Variants in PHTF1 observed in about 807,000 individuals in gnomAD.
The protein encoded by PHTF1 is protein PHTF1.
In PHTF1, 88 loss-of-function variants were observed where a neutral mutation model predicts 102.4. The observed-to-expected ratio is 0.86, with a 90% CI of 0.72 to 1.03. PHTF1 has a LOEUF of 1.03. PHTF1 is among the 50% of genes least tolerant of loss of function. PHTF1 has a pLI of 0.00. For missense variants in PHTF1, 814 were observed against 909.5 expected (o/e 0.89, Z 1.35); for synonymous variants, 289 against 305.2 (o/e 0.95, Z 0.55).
At chr1:113,699,603 C>A in intron 17 of PHTF1, 101 bp downstream of exon 17, 1 of 695,530 alleles carries the variant, frequency 1.4e-6, no homozygotes, top group Non-Finnish European at 2.6e-6. Flanking sequence ...CTTCCAGGAC[C>A]CCTCCCAACC....
rs778165865 is a variant in PHTF1 at position 113,706,631 on chromosome 1, A to G, written c.1361T>C (p.Met454Thr). Residue 454 changes from methionine (M) to threonine (T), a missense_variant, in exon 12 of 19, where the codon ATG (methionine) becomes ACG (threonine). Transcript: ENST00000369604. ...GATGCCACTTATTTCCAACACAGAC[A>G]TATCCATCTTTTTGCACTCATTCCC... The part of the protein sequence containing the change: ...WEGNECKKMD[M>T]SVLEISGIIM... 3.7e-6 allele frequency: 6 copies of G among 1,612,068 alleles called. No homozygotes were observed. Among genetic ancestry groups the G allele is most frequent in the Non-Finnish European group, 1.7e-6 (2 of 1,179,316 alleles).
At position 113,698,351 on chromosome 1, in the gene PHTF1, T is replaced by C. The variant is rs368753028; in HGVS notation, c.2179A>G (p.Met727Val). ...GTGATATTGTAGATTAAGGGATTCA[T>C]TGTCAGTCCATAGAGTCTAAATGGT... ...DTPFRLYGLT[M>V]NPLIYNITRV... The change falls in exon 18 of 19, where the codon ATG (methionine) becomes GTG (valine). Residue 727 changes from methionine to valine, a missense_variant. Transcript: ENST00000369604. 1.8e-5 allele frequency: 29 copies of C among 1,610,166 alleles called. No homozygotes were observed. In the African/African-American group the frequency reaches 3.3e-4, roughly 19 times the overall value.
intron 7 of PHTF1, among the ~76,000 whole-genome samples, chr1:113,717,342 C>G (rs1652218699): frequency 6.6e-6 from 1 of 152,000 alleles, no homozygotes; most frequent in South Asian, 2.1e-4. Context: ...AAACAACTAA[C>G]AAAGTGGCAG....
At chr1:113,717,909 G>A (rs1051583903) in intron 7 of PHTF1, among the ~76,000 whole-genome samples, 4 of 152,106 alleles carry the variant, frequency 2.6e-5, no homozygotes, top group Non-Finnish European at 4.4e-5. Flanking sequence ...TGGGGACACA[G>A]CCAAACCATA....
chr1:113,738,896 G>C (rs954628753), intron 3 of PHTF1, 97 bp from the exon 4 acceptor site: 9 of 802,016 alleles, frequency 1.1e-5, no homozygotes, highest in African/African-American at 1.8e-5. Context: ...TTGTAGCCCA[G>C]GCTGGAGTGC....
chr1:113,739,679 T>C (rs187461974), intron 3 of PHTF1, among the ~76,000 whole-genome samples: 36 of 152,360 alleles, frequency 2.4e-4, no homozygotes, highest in African/African-American at 7.9e-4. Context: ...ACCTTATTCC[T>C]ATCTAGCTGT....
At position 113,706,553 on chromosome 1, in the gene PHTF1, C is replaced by T. The variant is rs202011088; in HGVS notation, c.1398+41G>A. On this transcript the variant is annotated intron_variant, in intron 12 of 18. Transcript: ENST00000369604. ...CTTATAAAATAGCTCCTGATCACTTCGTATATTTTTTGAAAAATCTGAAAA... is the reference window on the plus strand; with the variant it reads ...CTTATAAAATAGCTCCTGATCACTTTGTATATTTTTTGAAAAATCTGAAAA... 2.6e-4 allele frequency: 391 copies of T among 1,529,052 alleles called. No homozygotes were observed. The African/African-American group carries it at 4.5e-3, about 18-fold the overall frequency. 94.7% of individuals were successfully genotyped at this position (1,529,052 alleles called of 1,614,324 possible).
intron 18 of PHTF1, 106 bp from the exon 19 acceptor site, chr1:113,697,831 A>AGG: frequency 1.3e-6 from 1 of 767,594 alleles, no homozygotes; most frequent in East Asian, 2.6e-5. Flanking sequence ...AAAAGAAGAA[A>AGG]ATGTATCAAG....
intron 5 of PHTF1, among the ~76,000 whole-genome samples, chr1:113,729,098 A>G (rs1400342525): frequency 6.6e-6 from 1 of 152,240 alleles, no homozygotes; most frequent in Non-Finnish European, 1.5e-5. Flanking sequence ...ATAAAAAAGA[A>G]TAAGATTCTG....
chr1:113,737,435 G>T (rs913837079), intron 5 of PHTF1, among the ~76,000 whole-genome samples: 2 of 152,208 alleles, frequency 1.3e-5, no homozygotes, highest in Non-Finnish European at 2.9e-5. Context: ...TGAAGATATA[G>T]ATTTGGGAAT....
chr1:113,759,151 G>C lies in PHTF1; in HGVS notation c.-159C>G. 4 of 922,242 alleles carry C rather than the reference G, an allele frequency of 4.3e-6. No homozygotes were observed. The highest frequency in any genetic ancestry group is 5.2e-6 in the Non-Finnish European group (4 of 771,698). 57.1% of individuals were successfully genotyped at this position (922,242 alleles called of 1,614,324 possible). On this transcript the variant is annotated 5_prime_UTR_variant, in exon 1 of 19. Coordinates refer to ENST00000369604, the MANE Select transcript of PHTF1 (RefSeq NM_001323043.2). ...TCTTCCCCTCCAGGCGGAGACGCCG[G>C]AGAGGCCGTTACCATGGAGACCGCG...
rs377106964 is a variant in PHTF1, at chr1:113,699,817, A to C, written c.2047-18T>G. Reference sequence around the variant, plus strand: ...AAATTAATCTAAGGGAAGGAATAGAAATTAAGGTAAATTTCTTGGAAAAAA... The same window carrying C: ...AAATTAATCTAAGGGAAGGAATAGACATTAAGGTAAATTTCTTGGAAAAAA... On this transcript the variant is annotated intron_variant, in intron 16 of 18. Coordinates refer to ENST00000369604, the MANE Select transcript of PHTF1 (RefSeq NM_001323043.2). The C allele has an allele frequency of 7.8e-4, 731 of 939,820 alleles. 8 individuals are homozygous for C. The African/African-American group carries it at 0.011, about 14-fold the overall frequency. 58.2% of individuals were successfully genotyped at this position (939,820 alleles called of 1,614,324 possible).
chr1:113,757,129 T>G (rs942832121), intron 3 of PHTF1, among the ~76,000 whole-genome samples: 1 of 152,100 alleles, frequency 6.6e-6, no homozygotes, highest in Non-Finnish European at 1.5e-5. Context: ...ATCACGCCAC[T>G]GCACTCCAGC....
At chr1:113,712,616 GTAGC>G (rs1328107514) in intron 8 of PHTF1, among the ~76,000 whole-genome samples, 1 of 152,186 alleles carries the variant, frequency 6.6e-6, no homozygotes, top group African/African-American at 2.4e-5. Flanking sequence ...ATAAAAGTGT[GTAGC>G]TAGTTTTAGA....
intron 11 of PHTF1, among the ~76,000 whole-genome samples, chr1:113,708,447 G>A (rs562158645): frequency 2.6e-5 from 4 of 152,276 alleles, no homozygotes; most frequent in Middle Eastern, 3.4e-3. Flanking sequence ...CCAACACAGC[G>A]AAACCCCATC....
chr1:113,746,352 T>C (rs1657229694), intron 3 of PHTF1, among the ~76,000 whole-genome samples: 1 of 152,162 alleles, frequency 6.6e-6, no homozygotes, highest in Non-Finnish European at 1.5e-5. Context: ...ATGAAAAGTA[T>C]TGGGTCATGG....
intron 3 of PHTF1, among the ~76,000 whole-genome samples, chr1:113,742,977 G>A (rs1043533162): frequency 6.6e-6 from 1 of 151,922 alleles, no homozygotes; most frequent in Non-Finnish European, 1.5e-5. Context: ...TTTTGTTGTT[G>A]TTGTTGTTGT....
rs538395081 is a variant in PHTF1, at chr1:113,746,498, A to C, written c.103-7699T>G. On this transcript the variant is annotated intron_variant, in intron 3 of 18. Coordinates refer to ENST00000369604, the MANE Select transcript of PHTF1 (RefSeq NM_001323043.2). The stretch of plus-strand genomic sequence containing the variant: ...CACATGACAGTAAGTGCAGCCATAT[A>C]ATCTTCTTACAGGTAAGAATAATTA... Among the ~76,000 whole-genome samples, 5 of 152,324 alleles carry C rather than the reference A, an allele frequency of 3.3e-5. No individual in the cohort carries two copies. The South Asian group carries it at 8.3e-4, about 25-fold the overall frequency.
At chr1:113,727,100 G>A (rs1365389756) in intron 5 of PHTF1, among the ~76,000 whole-genome samples, 1 of 151,762 alleles carries the variant, frequency 6.6e-6, no homozygotes, top group Non-Finnish European at 1.5e-5. Context: ...GTTTAAAGAA[G>A]TAAATGAAAT....
Sources: allele counts gnomAD v4.1 joint callset (sites outside exome capture counted in the v4.1 genomes callset), GRCh38; gene constraint gnomAD v4.1.1; transcripts MANE v1.5; gene names NCBI Gene and HGNC (gene_info 2026-07-23, HGNC 2026-07-21).